Variants in ASTN2 observed in about 807,000 individuals in gnomAD.
ASTN2 encodes the protein astrotactin-2.
ASTN2 carries 54 observed loss-of-function variants against 139.8 expected under a neutral mutation model. The ratio of observed to expected loss-of-function variants is 0.39; its 90% CI spans 0.31 to 0.48. The LOEUF (loss-of-function observed/expected upper bound fraction) is 0.48. Ranked by LOEUF, ASTN2 falls within the 20% of genes least tolerant of loss-of-function variation. The pLI is 0.95. For synonymous variants in ASTN2, 756 were observed against 719.5 expected, an observed-to-expected ratio of 1.05 and a Z score of -0.81; for missense variants, 1,565 against 1,725.1, an observed-to-expected ratio of 0.91 and a Z score of 1.64.
chr9:117,141,474 T>C lies in ASTN2; in HGVS notation c.1020A>G (p.Ala340=), dbSNP rs558594600. Residue 340 remains alanine (A), a synonymous_variant, in exon 4 of 23, where the codon GCA becomes GCG. Transcript: ENST00000313400. The part of the protein sequence containing the change: ...EEKVDFEKKA[A]AEATQETVES... The stretch of plus-strand genomic sequence containing the variant: ...CCACTGTCTCCTGAGTCGCCTCAGC[T>C]GCTGCTATAAGGTAGCAATGGGGCT... 2.2e-6 allele frequency: 3 copies of C among 1,366,954 alleles called. No individual in the cohort carries two copies. The South Asian group carries it at 3.4e-5, about 16-fold the overall frequency. 84.7% of individuals were successfully genotyped at this position (1,366,954 alleles called of 1,614,324 possible).
intron 1 of ASTN2, among the ~76,000 whole-genome samples, chr9:117,376,457 T>C (rs756279740): frequency 1.1e-4 from 16 of 152,168 alleles, no homozygotes; most frequent in Non-Finnish European, 2.1e-4. Context: ...TTAAGACAGA[T>C]TTGGTGATTC....
At chr9:116,623,253 G>A (rs1246354077) in intron 17 of ASTN2, among the ~76,000 whole-genome samples, 1 of 150,224 alleles carries the variant, frequency 6.7e-6, no homozygotes, top group Non-Finnish European at 1.5e-5. Context: ...AACAAAACAG[G>A]AAATCTCTCT....
At position 117,251,896 on chromosome 9, in the gene ASTN2, A is replaced by G. The variant is rs80312690; in HGVS notation, c.631-37154T>C. Among the ~76,000 whole-genome samples the G allele has an allele frequency of 2.0e-5, 3 of 152,330 alleles. No homozygotes were observed. The South Asian group carries it at 6.2e-4, about 32-fold the overall frequency. On this transcript the variant is annotated intron_variant, in intron 2 of 22. Transcript: ENST00000313400. ...CTGAAGCCTCAGGCAGACTATCAGC[A>G]CAGGAATTGGGAGCTCACTAAGAGA...
chr9:116,487,352 A>T lies in ASTN2; in HGVS notation c.3497+7T>A. The T allele has an allele frequency of 6.2e-7, 1 of 1,613,710 alleles. No individual in the cohort carries two copies. Among genetic ancestry groups the T allele is most frequent in the East Asian group, 2.2e-5 (1 of 44,860 alleles). On this transcript the variant is annotated splice_region_variant and intron_variant, in intron 20 of 22. Coordinates refer to ENST00000313400, the MANE Select transcript of ASTN2 (RefSeq NM_001365068.1). ...CTCATGATCCCCACACACCCAACAC[A>T]TCTTACTTGTAGAGACCGTCGGGCT...
chr9:117,315,488 G>A (rs1037391784), intron 1 of ASTN2, among the ~76,000 whole-genome samples: 3 of 152,194 alleles, frequency 2.0e-5, no homozygotes, highest in African/African-American at 4.8e-5. Context: ...CCAGACCTGA[G>A]AACTTGGACA....
At chr9:117,346,115 A>G (rs932566174) in intron 1 of ASTN2, among the ~76,000 whole-genome samples, 9 of 152,086 alleles carry the variant, frequency 5.9e-5, no homozygotes, top group African/African-American at 2.2e-4. Flanking sequence ...AATTTTTCCA[A>G]AGCTACCTGG....
rs115805298 is a variant in ASTN2, at chr9:116,811,804, C to G, written c.2208-5984G>C. Among the ~76,000 whole-genome samples the G allele has an allele frequency of 6.6e-3, 1,001 of 152,268 alleles. 10 individuals carry two copies. Among genetic ancestry groups the G allele is most frequent in the African/African-American group, 0.023 (958 of 41,556 alleles). On this transcript the variant is annotated intron_variant, in intron 12 of 22. Transcript: ENST00000313400. ...TTGTTGTTGTTACTTAGTCCATTAA[C>G]CCATTTACATATCCCAGGAAGTATA...
At chr9:117,180,964 C>T in intron 3 of ASTN2, 1 of 1,597,564 alleles carries the variant, frequency 6.3e-7, no homozygotes, top group African/African-American at 1.3e-5. Context: ...AATGTGAACC[C>T]TGGTCACAGT....
In ASTN2 at chr9:117,033,265, G is replaced by T. The variant is rs145101198; in HGVS notation, c.1423+6554C>A. On this transcript the variant is annotated intron_variant, in intron 6 of 22. Coordinates refer to ENST00000313400, the MANE Select transcript of ASTN2 (RefSeq NM_001365068.1). Reference sequence around the variant, plus strand: ...CTCTTCTACAGCTTTGTAAAAATGTGGTCATCTATTCTCAGGAGATTTTCT... The same window carrying T: ...CTCTTCTACAGCTTTGTAAAAATGTTGTCATCTATTCTCAGGAGATTTTCT... Among the ~76,000 whole-genome samples, 3 of 152,054 alleles carry T rather than the reference G, an allele frequency of 2.0e-5. No homozygotes were observed. The East Asian group carries it at 5.8e-4, about 29-fold the overall frequency.
At position 117,106,448 on chromosome 9, in the gene ASTN2, C is replaced by A. The variant is rs560495840; in HGVS notation, c.1169-10297G>T. 2.0e-4 allele frequency among the ~76,000 whole-genome samples: 30 copies of A among 152,226 alleles called. No homozygotes were observed. The East Asian group carries it at 5.6e-3, about 28-fold the overall frequency. ...CTGGCCTCAAGTGATATCCACCCCC[C>A]TCAGCCTCCCAAAGTGCTGGGATTA... On this transcript the variant is annotated intron_variant, in intron 4 of 22. Transcript: ENST00000313400.
intron 1 of ASTN2, among the ~76,000 whole-genome samples, chr9:117,302,558 A>C (rs1834902488): frequency 6.6e-6 from 1 of 152,126 alleles, no homozygotes; most frequent in Non-Finnish European, 1.5e-5. Flanking sequence ...GATGCTGCCA[A>C]GAGGGCATCT....
intron 1 of ASTN2, among the ~76,000 whole-genome samples, chr9:117,408,525 G>C (rs748897113): frequency 2.0e-5 from 3 of 152,158 alleles, no homozygotes; most frequent in Admixed American, 6.5e-5. Context: ...GGCAAACAAG[G>C]CTTAGTGTAT....
chr9:117,055,619 A>G (rs1839036588), intron 5 of ASTN2, among the ~76,000 whole-genome samples: 1 of 152,234 alleles, frequency 6.6e-6, no homozygotes, highest in African/African-American at 2.4e-5. Context: ...TATTTACACG[A>G]GAGGAGGCTG....
intron 1 of ASTN2, among the ~76,000 whole-genome samples, chr9:117,356,394 G>A (rs1003427022): frequency 2.6e-5 from 4 of 152,190 alleles, no homozygotes; most frequent in Non-Finnish European, 4.4e-5. Flanking sequence ...TGTTTGATAC[G>A]ATGAAATTAA....
intron 10 of ASTN2, among the ~76,000 whole-genome samples, chr9:116,964,660 A>T (rs1185289974): frequency 4.6e-5 from 7 of 152,186 alleles, no homozygotes; most frequent in Admixed American, 4.6e-4. Context: ...AAACTATAGG[A>T]CACAATTCAA....
intron 10 of ASTN2, among the ~76,000 whole-genome samples, chr9:116,926,935 A>C (rs555565668): frequency 1.3e-5 from 2 of 152,360 alleles, no homozygotes; most frequent in South Asian, 4.1e-4. Flanking sequence ...AAATAGAAAC[A>C]AAATAAGATG....
chr9:116,517,533 G>T (rs1300719724), intron 19 of ASTN2, among the ~76,000 whole-genome samples: 1 of 152,164 alleles, frequency 6.6e-6, no homozygotes, highest in Non-Finnish European at 1.5e-5. Context: ...TCTTCCCTCT[G>T]ACATAGTCTA....
intron 19 of ASTN2, among the ~76,000 whole-genome samples, chr9:116,524,569 A>C (rs952762346): frequency 3.3e-5 from 5 of 152,130 alleles, no homozygotes; most frequent in Non-Finnish European, 7.4e-5. Context: ...ATGACCCTTA[A>C]ACTCTCTGAG....
intron 11 of ASTN2, among the ~76,000 whole-genome samples, chr9:116,843,140 G>T (rs191832984): frequency 6.6e-6 from 1 of 152,126 alleles, no homozygotes; most frequent in African/African-American, 2.4e-5. Context: ...ACACGCAACC[G>T]TGTGTTCATT....
Sources: gnomAD v4.1 joint callset for allele counts (sites outside exome capture counted in the v4.1 genomes callset) on GRCh38, gnomAD v4.1.1 for gene constraint, MANE v1.5 for transcripts, NCBI Gene and HGNC (gene_info 2026-07-23, HGNC 2026-07-21) for gene names.